SLIT2: variants seen among roughly 807,000 people sequenced by gnomAD.
SLIT2 encodes slit guidance ligand 2, also known as slit homolog 2 protein.
Under a neutral mutation model 185.7 loss-of-function variants are expected in SLIT2, and 41 were observed. The observed-to-expected ratio is 0.22, with a 90% CI of 0.17 to 0.29. SLIT2 has a LOEUF of 0.29. SLIT2 is among the 10% of genes least tolerant of loss of function. SLIT2 has a pLI of 1.00. For synonymous variants in SLIT2, 693 were observed against 680.2 expected, an observed-to-expected ratio of 1.02 and a Z score of -0.29; for missense variants, 1,571 against 1,909.0, an observed-to-expected ratio of 0.82 and a Z score of 3.30.
At chr4:20,542,473 T>C (rs1374300778) in intron 20 of SLIT2, 21 bp from the exon 21 acceptor site, 1 of 1,611,906 alleles carries the variant, frequency 6.2e-7, no homozygotes, top group Non-Finnish European at 8.5e-7. Flanking sequence ...TTGGTTTTCC[T>C]GTATTTCCTC....
chr4:20,338,956 G>T (rs1419927174), intron 4 of SLIT2, among the ~76,000 whole-genome samples: 1 of 151,736 alleles, frequency 6.6e-6, no homozygotes, highest in East Asian at 1.9e-4. Context: ...AGGTAGGCAT[G>T]GTGGCGTGTG....
At chr4:20,521,276 T>G (rs1194232557) in intron 12 of SLIT2, among the ~76,000 whole-genome samples, 1 of 152,246 alleles carries the variant, frequency 6.6e-6, no homozygotes, top group Non-Finnish European at 1.5e-5. Context: ...CTAAGGCTCA[T>G]TCTTAAGCCT....
chr4:20,310,201 C>A (rs1202508078), intron 4 of SLIT2, among the ~76,000 whole-genome samples: 3 of 152,188 alleles, frequency 2.0e-5, no homozygotes, highest in Non-Finnish European at 2.9e-5. Flanking sequence ...TGTACACATG[C>A]TTTCTGGACA....
chr4:20,563,826 AATTTTGTATTTGATCTCACT>A (rs1724883230), intron 26 of SLIT2, among the ~76,000 whole-genome samples: 1 of 151,642 alleles, frequency 6.6e-6, no homozygotes, highest in African/African-American at 2.4e-5. Context: ...TACTTGCCGT[AATTTTGTATTTGATCTCACT>A]AGGTTCCCTC....
chr4:20,335,300 C>T (rs1207773473), intron 4 of SLIT2, among the ~76,000 whole-genome samples: 1 of 152,116 alleles, frequency 6.6e-6, no homozygotes, highest in Non-Finnish European at 1.5e-5. Context: ...TGAAGCCAAA[C>T]AGAATCACCG....
chr4:20,453,360 G>A (rs1402964957), intron 4 of SLIT2, among the ~76,000 whole-genome samples: 1 of 151,990 alleles, frequency 6.6e-6, no homozygotes, highest in East Asian at 1.9e-4. Flanking sequence ...ATCTTAAATT[G>A]TACTTTGATA....
intron 18 of SLIT2, among the ~76,000 whole-genome samples, chr4:20,534,835 C>T (rs910252573): frequency 1.3e-5 from 2 of 152,130 alleles, no homozygotes; most frequent in East Asian, 1.9e-4. Flanking sequence ...AATCCCCACC[C>T]GCAAAGCCCT....
chr4:20,570,724 T>TAC (rs1277721276), intron 29 of SLIT2, among the ~76,000 whole-genome samples: 1 of 40,008 alleles, frequency 2.5e-5, no homozygotes, highest in African/African-American at 9.2e-5. Flanking sequence ...TATATATATA[T>TAC]ATATATGTAT....
Position 20,597,562 on chromosome 4 carries a change from T to C in SLIT2, c.3562-703T>C, listed in dbSNP as rs570303601. On this transcript the variant is annotated intron_variant, in intron 32 of 36. Transcript: ENST00000504154. ...GGCAAATTATGTCTACATATTTGTT[T>C]TATCTGATAAGCAAAATCATTTAAT... is the stretch of plus-strand genomic sequence containing the variant. 3.9e-5 allele frequency among the ~76,000 whole-genome samples: 6 copies of C among 152,348 alleles called. No individual in the cohort carries two copies. The East Asian group carries it at 1.2e-3, about 29-fold the overall frequency.
chr4:20,406,508 T>C (rs1316654751), intron 4 of SLIT2, among the ~76,000 whole-genome samples: 6 of 143,606 alleles, frequency 4.2e-5, no homozygotes, highest in African/African-American at 1.5e-4. Flanking sequence ...GAATAGGCAC[T>C]CAAAATGAGA....
intron 4 of SLIT2, among the ~76,000 whole-genome samples, chr4:20,405,038 TGTGCTAA>T: frequency 6.6e-6 from 1 of 151,898 alleles, no homozygotes; most frequent in South Asian, 2.1e-4. Context: ...AGACTCTTCT[TGTGCTAA>T]GTTTGTACAT....
chr4:20,334,949 C>T (rs1720371586), intron 4 of SLIT2, among the ~76,000 whole-genome samples: 2 of 152,156 alleles, frequency 1.3e-5, no homozygotes, highest in African/African-American at 4.8e-5. Context: ...AAATATGTTT[C>T]AGGGATCGAA....
chr4:20,371,184 C>T (rs1193918513), intron 4 of SLIT2, among the ~76,000 whole-genome samples: 2 of 151,864 alleles, frequency 1.3e-5, no homozygotes, highest in African/African-American at 4.8e-5. Flanking sequence ...TATAAAGGTC[C>T]CTCTGCACAC....
At chr4:20,556,630 C>T (rs949381595) in intron 26 of SLIT2, among the ~76,000 whole-genome samples, 1 of 151,938 alleles carries the variant, frequency 6.6e-6, no homozygotes, top group Non-Finnish European at 1.5e-5. Flanking sequence ...CCCAACAATA[C>T]TGAAATTAGG....
intron 4 of SLIT2, among the ~76,000 whole-genome samples, chr4:20,418,180 G>A (rs996831325): frequency 9.2e-5 from 14 of 152,102 alleles, no homozygotes; most frequent in African/African-American, 2.2e-4. Context: ...TTTTAAAACC[G>A]CTTATCTGAC....
intron 3 of SLIT2, among the ~76,000 whole-genome samples, chr4:20,260,928 T>A (rs1712393902): frequency 7.7e-6 from 1 of 130,180 alleles, no homozygotes; most frequent in Non-Finnish European, 1.5e-5. Context: ...CTTCCTTACC[T>A]CTCTAACTAG....
chr4:20,322,188 A>G (rs1313760419), intron 4 of SLIT2, among the ~76,000 whole-genome samples: 2 of 152,176 alleles, frequency 1.3e-5, no homozygotes, highest in East Asian at 1.9e-4. Flanking sequence ...GGTTTCAGTC[A>G]ATTTAAGAAG....
At chr4:20,477,911 G>C (rs537578152) in intron 5 of SLIT2, among the ~76,000 whole-genome samples, 34 of 152,320 alleles carry the variant, frequency 2.2e-4, no homozygotes, top group African/African-American at 6.3e-4. Context: ...AGGTATGGCA[G>C]AGAACAGATC....
chr4:20,305,963 T>C (rs1388121552), intron 4 of SLIT2, among the ~76,000 whole-genome samples: 3 of 150,684 alleles, frequency 2.0e-5, no homozygotes, highest in Non-Finnish European at 4.4e-5. Flanking sequence ...TAGCGTTAAG[T>C]GTATGTTAGA....
Sources: gnomAD v4.1 joint callset for allele counts (sites outside exome capture counted in the v4.1 genomes callset) on GRCh38, gnomAD v4.1.1 for gene constraint, MANE v1.5 for transcripts, NCBI Gene and HGNC (gene_info 2026-07-23, HGNC 2026-07-21) for gene names.